FGF14: variants seen among roughly 807,000 people sequenced by gnomAD.
FGF14 encodes fibroblast growth factor homologous factor 4.
FGF14 carries 5 observed loss-of-function variants against 25.5 expected under a neutral mutation model. The ratio of observed to expected loss-of-function variants is 0.20; its 90% CI spans 0.10 to 0.41. The LOEUF (loss-of-function observed/expected upper bound fraction) is 0.41. Among genes scored for constraint, FGF14 ranks in the 10% least tolerant of loss-of-function variants. The pLI, the probability that FGF14 is intolerant of heterozygous loss-of-function variation, is 1.00. For missense variants in FGF14, 222 were observed against 320.1 expected, an observed-to-expected ratio of 0.69 and a Z score of 2.34; for synonymous variants, 138 against 118.3, an observed-to-expected ratio of 1.17 and a Z score of -1.08.
At chr13:101,765,717 A>G in intron 3 of FGF14, among the ~76,000 whole-genome samples, 1 of 140,340 alleles carries the variant, frequency 7.1e-6, no homozygotes, top group Non-Finnish European at 1.5e-5. Context: ...TATTATTATT[A>G]TTTTATTTAT....
chr13:101,793,411 C>G (rs970386576), intron 3 of FGF14, among the ~76,000 whole-genome samples: 1 of 152,050 alleles, frequency 6.6e-6, no homozygotes, highest in African/African-American at 2.4e-5. Context: ...AACTTCTTCC[C>G]TTTGTAAGGC....
At chr13:101,825,096 A>G (rs1329425364) in intron 3 of FGF14, among the ~76,000 whole-genome samples, 2 of 152,190 alleles carry the variant, frequency 1.3e-5, no homozygotes, top group Non-Finnish European at 2.9e-5. Flanking sequence ...CTAGCAACTG[A>G]TGGAACCTGA....
intron 1 of FGF14, among the ~76,000 whole-genome samples, chr13:101,952,256 G>A (rs1281684017): frequency 6.6e-6 from 1 of 152,058 alleles, no homozygotes; most frequent in Non-Finnish European, 1.5e-5. Flanking sequence ...TCTTTCCACT[G>A]CAAATTCAAG....
chr13:102,182,042 G>A (rs2048696341), intron 1 of FGF14, among the ~76,000 whole-genome samples: 2 of 152,114 alleles, frequency 1.3e-5, no homozygotes, highest in East Asian at 1.9e-4. Context: ...GTGGTACTTT[G>A]TTATGGCAGC....
At chr13:101,917,646 C>T (rs888626047), upstream of FGF14, among the ~76,000 whole-genome samples, 6 of 152,006 alleles carry the variant, frequency 3.9e-5, no homozygotes, top group African/African-American at 1.2e-4. Flanking sequence ...CCCCCAACCC[C>T]GGGTTGGAGG....
At chr13:102,035,322 G>C (rs1262661011) in intron 1 of FGF14, among the ~76,000 whole-genome samples, 1 of 152,120 alleles carries the variant, frequency 6.6e-6, no homozygotes, top group East Asian at 1.9e-4. Context: ...GCAGCCATGT[G>C]TTTGGATGAA....
chr13:102,313,837 C>T (rs2055890456), intron 1 of FGF14, among the ~76,000 whole-genome samples: 1 of 152,168 alleles, frequency 6.6e-6, no homozygotes, highest in Non-Finnish European at 1.5e-5. Context: ...AAAGCAACAA[C>T]ATCACGTCAC....
intron 1 of FGF14, among the ~76,000 whole-genome samples, chr13:101,978,617 A>G (rs1367585493): frequency 2.0e-5 from 3 of 152,244 alleles, no homozygotes; most frequent in South Asian, 2.1e-4. Context: ...GTATAAAACC[A>G]GACTAGGGAT....
At chr13:102,067,953 C>T (rs565614895) in intron 1 of FGF14, among the ~76,000 whole-genome samples, 8 of 152,178 alleles carry the variant, frequency 5.3e-5, no homozygotes, top group African/African-American at 1.4e-4. Flanking sequence ...CACTCCAATA[C>T]GTCTGGCAGC....
chr13:101,978,532 T>G (rs192785119), intron 1 of FGF14, among the ~76,000 whole-genome samples: 1 of 152,188 alleles, frequency 6.6e-6, no homozygotes, highest in Admixed American at 6.5e-5. Flanking sequence ...AATGAGGTTG[T>G]TTGTTGTGGT....
At chr13:101,802,079 A>C (rs1373978209) in intron 3 of FGF14, 2 of 306,854 alleles carry the variant, frequency 6.5e-6, no homozygotes, top group African/African-American at 4.4e-5. Flanking sequence ...AAAGGCAGAA[A>C]AAGTAGGTTC....
intron 1 of FGF14, among the ~76,000 whole-genome samples, chr13:102,381,493 A>G (rs1158837637): frequency 6.6e-6 from 1 of 152,170 alleles, no homozygotes; most frequent in Non-Finnish European, 1.5e-5. Context: ...TGAAGCAGAG[A>G]GCAAGCCCTC....
intron 1 of FGF14, among the ~76,000 whole-genome samples, chr13:102,060,394 C>T (rs560952322): frequency 5.9e-5 from 9 of 152,186 alleles, no homozygotes; most frequent in East Asian, 1.9e-4. Context: ...GGCATGGTGG[C>T]GGGCGCCTGT....
At chr13:102,365,406 T>C (rs2057681862) in intron 1 of FGF14, among the ~76,000 whole-genome samples, 1 of 152,172 alleles carries the variant, frequency 6.6e-6, no homozygotes. Flanking sequence ...AAAAAATCAA[T>C]TAGAATTCTT....
chr13:102,382,544 T>C (rs2058208703), intron 1 of FGF14, among the ~76,000 whole-genome samples: 1 of 152,144 alleles, frequency 6.6e-6, no homozygotes, highest in African/African-American at 2.4e-5. Flanking sequence ...AATGTGCAGC[T>C]GTTTTGATAA....
At chr13:102,386,611 G>A (rs530760511) in intron 1 of FGF14, among the ~76,000 whole-genome samples, 12 of 152,218 alleles carry the variant, frequency 7.9e-5, no homozygotes, top group Non-Finnish European at 1.8e-4. Context: ...TAACAAAAGC[G>A]AGAGTAAAGT....
At chr13:102,056,375 T>C (rs930246283) in intron 1 of FGF14, among the ~76,000 whole-genome samples, 5 of 152,374 alleles carry the variant, frequency 3.3e-5, no homozygotes, top group South Asian at 2.1e-4. Context: ...TTTTGTCCAA[T>C]TGGTGCAAGA....
chr13:102,035,725 C>T (rs1166809428), intron 1 of FGF14, among the ~76,000 whole-genome samples: 1 of 152,160 alleles, frequency 6.6e-6, no homozygotes, highest in East Asian at 1.9e-4. Flanking sequence ...AAGGTTTTTA[C>T]TACAGTATCT....
chr13:102,076,781 T>C (rs1398108165), intron 1 of FGF14, among the ~76,000 whole-genome samples: 1 of 152,156 alleles, frequency 6.6e-6, no homozygotes, highest in Non-Finnish European at 1.5e-5. Flanking sequence ...TCTTAAGTTT[T>C]TTTTATGGAA....
Sources: gnomAD v4.1 joint callset for allele counts (sites outside exome capture counted in the v4.1 genomes callset) on GRCh38, gnomAD v4.1.1 for gene constraint, MANE v1.5 for transcripts, NCBI Gene and HGNC (gene_info 2026-07-23, HGNC 2026-07-21) for gene names.